The following ANO2 variants were observed in gnomAD, a reference collection of about 807,000 sequenced individuals.
ANO2 encodes the protein anoctamin-2.
Under a neutral mutation model 124.2 loss-of-function variants are expected in ANO2, and 101 were observed. That is an observed-to-expected ratio of 0.81 (90% CI 0.69 to 0.96). The LOEUF (loss-of-function observed/expected upper bound fraction) is 0.96, where lower values mean the gene tolerates loss of function less well. Ranked by LOEUF, ANO2 falls within the 40% of genes least tolerant of loss-of-function variation. ANO2 has a pLI of 0.00. For synonymous variants in ANO2, 486 were observed against 482.5 expected (o/e 1.01, Z -0.09); for missense variants, 1,293 against 1,274.5 (o/e 1.01, Z -0.22).
chr12:5,582,037 G>A (rs1942784228), intron 20 of ANO2, among the ~76,000 whole-genome samples: 2 of 152,228 alleles, frequency 1.3e-5, no homozygotes, highest in African/African-American at 4.8e-5. Flanking sequence ...CTAAAATGCT[G>A]GGAGTCCTTC....
chr12:5,565,531 G>T, intron 24 of ANO2, 27 bp downstream of exon 24: 1 of 1,551,758 alleles, frequency 6.4e-7, no homozygotes, highest in East Asian at 2.3e-5. Context: ...GGATTCGAAT[G>T]GGCTATTCCC....
intron 20 of ANO2, among the ~76,000 whole-genome samples, chr12:5,584,339 C>T (rs1204703488): frequency 6.6e-6 from 1 of 152,168 alleles, no homozygotes; most frequent in Non-Finnish European, 1.5e-5. Flanking sequence ...GGAGCAAGAG[C>T]TTGTGAGAAA....
chr12:5,924,310 G>A (rs1419369000), intron 1 of ANO2, among the ~76,000 whole-genome samples: 2 of 152,200 alleles, frequency 1.3e-5, no homozygotes, highest in Non-Finnish European at 2.9e-5. Context: ...GAGCTGACAT[G>A]CAGGAAACAC....
intron 1 of ANO2, among the ~76,000 whole-genome samples, chr12:5,923,874 G>A (rs1941955347): frequency 6.6e-6 from 1 of 152,146 alleles, no homozygotes; most frequent in Non-Finnish European, 1.5e-5. Flanking sequence ...CAGTGCCCAG[G>A]CTTAAACCTC....
intron 15 of ANO2, among the ~76,000 whole-genome samples, chr12:5,642,194 A>G (rs926902512): frequency 6.6e-6 from 1 of 151,908 alleles, no homozygotes; most frequent in Non-Finnish European, 1.5e-5. Context: ...TCTCCTCCTC[A>G]TGCTCCCAAA....
At chr12:5,857,301 C>T (rs1464356684) in intron 3 of ANO2, among the ~76,000 whole-genome samples, 2 of 152,156 alleles carry the variant, frequency 1.3e-5, no homozygotes, top group African/African-American at 4.8e-5. Context: ...AGATCTGAAT[C>T]CTTAGTTATT....
At chr12:5,879,933 G>C (rs1287185989) in intron 3 of ANO2, among the ~76,000 whole-genome samples, 1 of 152,218 alleles carries the variant, frequency 6.6e-6, no homozygotes, top group Non-Finnish European at 1.5e-5. Context: ...AGATCACTCT[G>C]ATAGAGCATG....
chr12:5,708,253 T>G (rs555436320), intron 14 of ANO2, among the ~76,000 whole-genome samples: 1 of 152,204 alleles, frequency 6.6e-6, no homozygotes, highest in East Asian at 1.9e-4. Context: ...TCCCCACTAA[T>G]GTCTCTGAAT....
intron 7 of ANO2, among the ~76,000 whole-genome samples, chr12:5,825,499 C>T (rs1407126195): frequency 1.3e-5 from 2 of 152,186 alleles, no homozygotes; most frequent in Non-Finnish European, 2.9e-5. Flanking sequence ...CACAGCATTA[C>T]GTTCTGCTGG....
intron 3 of ANO2, among the ~76,000 whole-genome samples, chr12:5,865,260 A>C (rs1413903078): frequency 6.6e-6 from 1 of 152,220 alleles, no homozygotes; most frequent in African/African-American, 2.4e-5. Context: ...GAGTTAGGGC[A>C]TATGAAAGAA....
At chr12:5,911,203 C>A (rs906671640) in intron 3 of ANO2, among the ~76,000 whole-genome samples, 1 of 152,154 alleles carries the variant, frequency 6.6e-6, no homozygotes, top group Admixed American at 6.5e-5. Flanking sequence ...TCTTATTCAC[C>A]TCAGCATCCT....
At chr12:5,640,620 A>G (rs868767750) in intron 15 of ANO2, among the ~76,000 whole-genome samples, 50 of 152,370 alleles carry the variant, frequency 3.3e-4, no homozygotes, top group African/African-American at 6.3e-4. Flanking sequence ...AGACACATGA[A>G]AAAATGCTCA....
At chr12:5,809,596 G>A (rs546372778) in intron 7 of ANO2, among the ~76,000 whole-genome samples, 3 of 152,292 alleles carry the variant, frequency 2.0e-5, no homozygotes, top group East Asian at 1.9e-4. Flanking sequence ...CCATTAGACC[G>A]ACAACCTGAA....
In ANO2 at chr12:5,563,545, G is replaced by T; in HGVS notation, c.2751C>A (p.Val917=). The T allele has an allele frequency of 6.2e-7, 1 of 1,613,988 alleles. No individual in the cohort carries two copies. The highest frequency in any genetic ancestry group is 8.5e-7 in the Non-Finnish European group (1 of 1,179,884). The part of the protein sequence containing the change: ...IFQNLVMFLS[V]LVDWMIPDIP... ...TGTCTGGAATCATCCAGTCCACGAG[G>T]ACGCTCAGGAACATCACGAGGTTCT... The change falls in exon 25 of 25, where the codon GTC becomes GTA. Residue 917 remains valine, a synonymous_variant. Coordinates refer to ENST00000682330, the MANE Select transcript of ANO2 (RefSeq NM_001364791.2).
intron 14 of ANO2, among the ~76,000 whole-genome samples, chr12:5,702,812 G>A (rs948599090): frequency 5.3e-5 from 8 of 152,156 alleles, no homozygotes; most frequent in African/African-American, 1.9e-4. Context: ...AAGTTAAAAT[G>A]AAATATCACT....
rs199765638 is a variant in ANO2 at position 5,599,609 on chromosome 12, C to A, written c.2108G>T (p.Arg703Leu). ...AGCTTCGGTCTCATCTTTCAGCTTT[C>A]GAAATAGTTTCTTTAGCTTCCTGGA... ...IGVPKLKKLF[R>L]KLKDETEAGE... is the part of the protein sequence containing the mutation. The change falls in exon 20 of 25, where the codon CGA becomes CTA. Residue 703 changes from arginine (R) to leucine (L), a missense_variant. By Grantham distance (102) the Arg-to-Leu change is moderately radical. Transcript: ENST00000682330. 6.2e-7 allele frequency: 1 copy of A among 1,613,466 alleles called. No homozygotes were observed. The highest frequency in any genetic ancestry group is 8.5e-7 in the Non-Finnish European group (1 of 1,179,828).
chr12:5,795,390 C>T (rs1379383181), intron 10 of ANO2, among the ~76,000 whole-genome samples: 3 of 152,216 alleles, frequency 2.0e-5, no homozygotes, highest in Non-Finnish European at 4.4e-5. Flanking sequence ...CAGGAAGCCT[C>T]ACTCATGAAG....
intron 10 of ANO2, among the ~76,000 whole-genome samples, chr12:5,766,268 CTATT>C (rs1951885812): frequency 6.6e-6 from 1 of 152,118 alleles, no homozygotes; most frequent in African/African-American, 2.4e-5. Flanking sequence ...CAGAGCAACA[CTATT>C]TATAACAGCC....
intron 14 of ANO2, among the ~76,000 whole-genome samples, chr12:5,661,990 C>T (rs1010210885): frequency 6.6e-6 from 1 of 152,204 alleles, no homozygotes; most frequent in Non-Finnish European, 1.5e-5. Flanking sequence ...CAGGCAGCCC[C>T]GCCAACTCGC....
Sources: allele counts gnomAD v4.1 joint callset (sites outside exome capture counted in the v4.1 genomes callset), GRCh38; gene constraint gnomAD v4.1.1; transcripts MANE v1.5; gene names NCBI Gene and HGNC (gene_info 2026-07-23, HGNC 2026-07-21).